Variants in SOBP observed in about 807,000 individuals in gnomAD.
SOBP encodes the protein sine oculis-binding protein homolog.
SOBP carries 4 observed loss-of-function variants against 53.6 expected under a neutral mutation model. The ratio of observed to expected loss-of-function variants is 0.07; its 90% CI spans 0.04 to 0.17. SOBP has a LOEUF of 0.17. SOBP is among the 10% of genes least tolerant of loss of function. SOBP has a pLI of 1.00. For missense variants in SOBP, 1,088 were observed against 1,204.7 expected (o/e 0.90, Z 1.43); for synonymous variants, 584 against 522.6 (o/e 1.12, Z -1.60).
In SOBP at chr6:107,634,839, C is replaced by A; in HGVS notation, c.1995C>A (p.His665Gln). Residue 665 changes from histidine to glutamine, a missense_variant, in exon 6 of 7, where the codon CAC becomes CAA. By Grantham distance (24) the His-to-Gln change is conservative. Coordinates refer to ENST00000317357, the MANE Select transcript of SOBP (RefSeq NM_018013.4). This position sits in a 1 kb window ranked among gnomAD's most constrained non-coding sequence, Gnocchi z 4.5. ...DLTVGHRARL[H>Q]NVIHRALHAH... ...CCGTGGGCCACCGAGCCCGGCTGCA[C>A]AACGTGATCCACCGCGCGCTGCACG... 1 of 1,404,824 alleles carries A rather than the reference C, an allele frequency of 7.1e-7. No individual in the cohort carries two copies. Among genetic ancestry groups the A allele is most frequent in the Non-Finnish European group, 9.3e-7 (1 of 1,075,584 alleles). 87.0% of individuals were successfully genotyped at this position (1,404,824 alleles called of 1,614,324 possible).
chr6:107,657,360 G>A (rs1417783551), intron 6 of SOBP, among the ~76,000 whole-genome samples: 1 of 152,184 alleles, frequency 6.6e-6, no homozygotes, highest in Non-Finnish European at 1.5e-5. Flanking sequence ...GGGACCCCAA[G>A]GCTCTTGGTT....
chr6:107,522,537 C>CTTTTTTTT (rs71551313), intron 3 of SOBP, among the ~76,000 whole-genome samples: 17 of 74,092 alleles, frequency 2.3e-4, no homozygotes, highest in Non-Finnish European at 2.7e-4. Flanking sequence ...AGTATAAAAA[C>CTTTTTTTT]TTTTTTTTTT....
chr6:107,620,399 T>C (rs1423363478), intron 5 of SOBP, among the ~76,000 whole-genome samples: 1 of 152,240 alleles, frequency 6.6e-6, no homozygotes. Context: ...TGGCATTATA[T>C]TGATTCCAAA....
chr6:107,496,957 G>T (rs903146017), intron 1 of SOBP, among the ~76,000 whole-genome samples: 1 of 152,226 alleles, frequency 6.6e-6, no homozygotes, highest in African/African-American at 2.4e-5. Context: ...AGACAGCTCA[G>T]ACTCAGCCCT....
chr6:107,516,220 G>C (rs1413532243), intron 3 of SOBP, among the ~76,000 whole-genome samples: 2 of 152,094 alleles, frequency 1.3e-5, no homozygotes. Context: ...GTAGTACTTT[G>C]GGAGTCCAAG....
intron 5 of SOBP, among the ~76,000 whole-genome samples, chr6:107,613,640 A>G (rs1223561918): frequency 6.6e-6 from 1 of 152,232 alleles, no homozygotes; most frequent in Non-Finnish European, 1.5e-5. Context: ...TTATGATTGT[A>G]TAAGAATTTC....
intron 4 of SOBP, among the ~76,000 whole-genome samples, chr6:107,569,046 A>G (rs938552670): frequency 5.3e-5 from 8 of 152,352 alleles, no homozygotes; most frequent in Non-Finnish European, 8.8e-5. Flanking sequence ...TTAAAAATCT[A>G]TTTGGGGGGC....
At chr6:107,496,547 G>A (rs1391788142) in intron 1 of SOBP, among the ~76,000 whole-genome samples, 1 of 152,192 alleles carries the variant, frequency 6.6e-6, no homozygotes, top group Non-Finnish European at 1.5e-5. Context: ...TCAGAGTTGA[G>A]TATTAGTGTT....
Position 107,635,358 on chromosome 6 carries a change from T to G in SOBP, c.2514T>G (p.Ala838=), listed in dbSNP as rs753301023. The part of the protein sequence containing the change: ...IQPVPKPAEK[A]AMAPCIISSP... Reference sequence around the variant, plus strand: ...CTGTGCCAAAACCCGCGGAGAAGGCTGCCATGGCACCGTGCATCATCTCCT... The same window carrying G: ...CTGTGCCAAAACCCGCGGAGAAGGCGGCCATGGCACCGTGCATCATCTCCT... The change falls in exon 6 of 7, where the codon GCT becomes GCG. Residue 838 remains alanine, a synonymous_variant. Transcript: ENST00000317357. The surrounding 1 kb of genome is among the most constrained non-coding windows in gnomAD (Gnocchi z 4.5). The G allele has an allele frequency of 2.5e-6, 4 of 1,613,522 alleles. No individual in the cohort carries two copies. Among genetic ancestry groups the G allele is most frequent in the South Asian group, 2.2e-5 (2 of 91,074 alleles).
intron 4 of SOBP, among the ~76,000 whole-genome samples, chr6:107,542,214 C>T (rs753670674): frequency 6.6e-6 from 1 of 151,992 alleles, no homozygotes; most frequent in Non-Finnish European, 1.5e-5. Flanking sequence ...CTGAGGATCA[C>T]AGGAGTTATT....
At chr6:107,548,532 G>A (rs12197644) in intron 4 of SOBP, among the ~76,000 whole-genome samples, 2,660 of 152,132 alleles carry the variant, frequency 0.017, 40 homozygotes, top group East Asian at 0.052. Context: ...GTGAGCCACC[G>A]CGCCCAGCCA....
intron 4 of SOBP, among the ~76,000 whole-genome samples, chr6:107,546,715 AAAAC>A (rs1482088156): frequency 6.6e-6 from 1 of 151,598 alleles, no homozygotes; most frequent in Non-Finnish European, 1.5e-5. Context: ...TGAGAAAAAC[AAAAC>A]AAACAAACAA....
chr6:107,648,802 A>G (rs1323571459), intron 6 of SOBP, among the ~76,000 whole-genome samples: 2 of 152,134 alleles, frequency 1.3e-5, no homozygotes, highest in Non-Finnish European at 2.9e-5. Context: ...CATCTGTAAA[A>G]TGGAGATAGT....
rs534033424 is a variant in SOBP at position 107,508,419 on chromosome 6, A to T, written c.421+1992A>T. 3.9e-5 allele frequency among the ~76,000 whole-genome samples: 6 copies of T among 152,196 alleles called. No individual in the cohort carries two copies. In the East Asian group the frequency reaches 1.2e-3, roughly 29 times the overall value. On this transcript the variant is annotated intron_variant, in intron 3 of 6. Transcript: ENST00000317357. ...CATGGAGAAACCCCGTCTCTACTAAAACTGCAAAAATTAGCCAGGCGTGTT... is the reference window on the plus strand; with the variant it reads ...CATGGAGAAACCCCGTCTCTACTAATACTGCAAAAATTAGCCAGGCGTGTT...
intron 4 of SOBP, among the ~76,000 whole-genome samples, chr6:107,552,504 A>T (rs1177248809): frequency 6.6e-6 from 1 of 152,222 alleles, no homozygotes; most frequent in African/African-American, 2.4e-5. Context: ...GAGGAGGGGC[A>T]GCCTCCCAAG....
At chr6:107,536,739 ACTC>A (rs1784009513) in intron 4 of SOBP, among the ~76,000 whole-genome samples, 2 of 152,104 alleles carry the variant, frequency 1.3e-5, no homozygotes, top group African/African-American at 4.8e-5. Context: ...AAATACTTCT[ACTC>A]AACACTGCCA....
chr6:107,627,875 A>C (rs1448428401), intron 5 of SOBP, among the ~76,000 whole-genome samples: 1 of 152,194 alleles, frequency 6.6e-6, no homozygotes, highest in Non-Finnish European at 1.5e-5. Flanking sequence ...CCAGCTCTGC[A>C]AGAAAAACTT....
chr6:107,600,116 T>A (rs973074870), intron 5 of SOBP, among the ~76,000 whole-genome samples: 2 of 152,238 alleles, frequency 1.3e-5, no homozygotes, highest in African/African-American at 4.8e-5. Flanking sequence ...GTCCTGGCTT[T>A]TTTCTTTCTG....
intron 6 of SOBP, among the ~76,000 whole-genome samples, chr6:107,653,875 A>G (rs1461295052): frequency 6.6e-6 from 1 of 152,242 alleles, no homozygotes; most frequent in Non-Finnish European, 1.5e-5. Flanking sequence ...GTCTTAGGCC[A>G]TAAAGGTCAA....
Sources: allele counts gnomAD v4.1 joint callset (sites outside exome capture counted in the v4.1 genomes callset), GRCh38; gene constraint gnomAD v4.1.1; non-coding constraint Gnocchi (gnomAD v3.1); transcripts MANE v1.5; gene names NCBI Gene and HGNC (gene_info 2026-07-23, HGNC 2026-07-21).